Variants in PRMT2 observed in about 807,000 individuals in gnomAD.
PRMT2 encodes protein arginine methyltransferase 2, also known as protein arginine N-methyltransferase 2.
In PRMT2, 26 loss-of-function variants were observed where a neutral mutation model predicts 57.6. The observed-to-expected ratio is 0.45, with a 90% CI of 0.33 to 0.63. The LOEUF (loss-of-function observed/expected upper bound fraction) is 0.63. Among genes scored for constraint, PRMT2 ranks in the 20% least tolerant of loss-of-function variants. The pLI is 0.02. For missense variants in PRMT2, 472 were observed against 564.4 expected, an observed-to-expected ratio of 0.84 and a Z score of 1.66; for synonymous variants, 219 against 220.0, an observed-to-expected ratio of 1.00 and a Z score of 0.04.
chr21:46,641,979 G>A (rs910468933), intron 3 of PRMT2, among the ~76,000 whole-genome samples: 6 of 152,158 alleles, frequency 3.9e-5, no homozygotes, highest in African/African-American at 1.4e-4. Context: ...TTTTAAAAAC[G>A]CCTAACCACA....
At chr21:46,653,028 T>C in intron 7 of PRMT2, 2 of 1,144,510 alleles carry the variant, frequency 1.7e-6, no homozygotes, top group South Asian at 1.8e-5. Context: ...ATTAAAAGAC[T>C]GCCAGACTCA....
chr21:46,664,312 C>T lies in PRMT2; in HGVS notation c.1287C>T (p.Phe429=), dbSNP rs2061673069. The T allele has an allele frequency of 6.8e-6, 11 of 1,613,820 alleles. No individual in the cohort carries two copies. The East Asian group carries it at 2.0e-4, about 29-fold the overall frequency. The change falls in exon 12 of 12, where the codon TTC becomes TTT. Residue 429 remains phenylalanine (F), a synonymous_variant. Transcript: ENST00000355680. ...TTTTTCAGGTTGGAGAAAAAGTCTT[C>T]CCCATCTGGAGATGACAGTTGATGC... is the stretch of plus-strand genomic sequence containing the variant. The part of the protein sequence containing the change: ...PTSQKVGEKV[F]PIWR
chr21:46,642,487 A>G (rs1486982982), intron 3 of PRMT2, among the ~76,000 whole-genome samples: 2 of 152,270 alleles, frequency 1.3e-5, no homozygotes, highest in Non-Finnish European at 2.9e-5. Context: ...GTCTGAAAGT[A>G]TAAACACCAA....
rs949268973 is a variant in PRMT2, at chr21:46,636,993, A to T, written c.39+3A>T. On this transcript the variant is annotated splice_donor_region_variant and intron_variant, in intron 3 of 11. Transcript: ENST00000355680. ...ACTGTCCCAGAAGTGAATCGCAGGT[A>T]ATTTCCGTTCCACTTCCTAAAAATC... 2 of 1,613,758 alleles carry T rather than the reference A, an allele frequency of 1.2e-6. No individual in the cohort carries two copies. The highest frequency in any genetic ancestry group is 3.3e-5 in the Admixed American group (2 of 59,926).
At position 46,663,252 on chromosome 21, in the gene PRMT2, T is replaced by C. The variant is rs2061657531; in HGVS notation, c.1098-131T>C. 1.5e-5 allele frequency: 13 copies of C among 840,852 alleles called. No homozygotes were observed. The South Asian group carries it at 1.6e-4, about 10-fold the overall frequency. 52.1% of individuals were successfully genotyped at this position (840,852 alleles called of 1,614,324 possible). Reference sequence around the variant, plus strand: ...AGCCAAGCTTTGTGTCCCCAGGCCCTCAGGGTGGACTGCCGGCTGTGTGGG... The same window carrying C: ...AGCCAAGCTTTGTGTCCCCAGGCCCCCAGGGTGGACTGCCGGCTGTGTGGG... On this transcript the variant is annotated intron_variant, in intron 10 of 11. Transcript: ENST00000355680.
In PRMT2 at chr21:46,661,642, G is replaced by A. The variant is rs2061623871; in HGVS notation, c.961-158G>A. 1.7e-5 allele frequency: 11 copies of A among 628,880 alleles called. No individual in the cohort carries two copies. In the Admixed American group the frequency reaches 1.8e-4, roughly 10 times the overall value. The allele number at this position is 628,880 out of a possible 1,614,324, so 39.0% of individuals were successfully genotyped here. ...TTCTGACTGAAGCCTCTGAACTCACGATGCGGGTTTTGGGGGTGGTTTCCC... is the reference window on the plus strand; with the variant it reads ...TTCTGACTGAAGCCTCTGAACTCACAATGCGGGTTTTGGGGGTGGTTTCCC... On this transcript the variant is annotated intron_variant, in intron 9 of 11. Transcript: ENST00000355680.
chr21:46,641,232 G>A (rs899888831), intron 3 of PRMT2, among the ~76,000 whole-genome samples: 3 of 151,976 alleles, frequency 2.0e-5, no homozygotes, highest in African/African-American at 7.3e-5. Flanking sequence ...TTGCAGCATC[G>A]GTTATGGTGG....
chr21:46,658,923 A>G lies in PRMT2; in HGVS notation c.830+3A>G. On this transcript the variant is annotated splice_donor_region_variant and intron_variant, in intron 8 of 11. Transcript: ENST00000355680. ...GAGTTCAACCTCAGCGCTCTGAAGT[A>G]AGTGTCCACAGCTGGGACTGGCACC... 7 of 1,611,820 alleles carry G rather than the reference A, an allele frequency of 4.3e-6. No homozygotes were observed. Among genetic ancestry groups the G allele is most frequent in the Non-Finnish European group, 5.9e-6 (7 of 1,178,326 alleles).
chr21:46,648,211 CCTTT>C lies in PRMT2; in HGVS notation c.328-243_328-240del. 1 of 450,580 alleles carries C rather than the reference CCTTT, an allele frequency of 2.2e-6. No individual in the cohort carries two copies. Among genetic ancestry groups the C allele is most frequent in the Non-Finnish European group, 4.0e-6 (1 of 247,484 alleles). 27.9% of individuals were successfully genotyped at this position (450,580 alleles called of 1,614,324 possible). A position where few individuals can be genotyped will look rare whatever the true frequency, so the allele number is the denominator to read the frequency against. ...TCTCTTTGTCATACATGGTTGTGCA[CCTTT>C]CTTGTTAAATTTGTTCCTAGGTATT... On this transcript the variant is annotated intron_variant, in intron 5 of 11. Transcript: ENST00000355680. The surrounding 1 kb of genome is among the most constrained non-coding windows in gnomAD (Gnocchi z 4.8).
chr21:46,636,941 C>G lies in PRMT2; in HGVS notation c.-11C>G, dbSNP rs780120260. 1 of 1,612,758 alleles carries G rather than the reference C, an allele frequency of 6.2e-7. No homozygotes were observed. The highest frequency in any genetic ancestry group is 8.5e-7 in the Non-Finnish European group (1 of 1,179,540). ...TAAATCAGCAGTTATGAGGCAGAGC[C>G]TAAGAGAACTATGGCAACATCAGGT... On this transcript the variant is annotated 5_prime_UTR_variant, in exon 3 of 12. Transcript: ENST00000355680.
rs571088719 is a variant in PRMT2 at position 46,644,560 on chromosome 21, G to A, written c.327+72G>A. 2.2e-4 allele frequency: 315 copies of A among 1,433,588 alleles called. 3 individuals are homozygous for A. Among genetic ancestry groups the A allele is most frequent in the South Asian group, 1.4e-3 (95 of 69,996 alleles). The allele number at this position is 1,433,588 out of a possible 1,614,324, so 88.8% of individuals were successfully genotyped here. A position where few individuals can be genotyped will look rare whatever the true frequency, so the allele number is the denominator to read the frequency against. ...TCTCTAGCTTTAGTTCTACTGCAAC[G>A]TTCAGAGCAGGCCCATAGTCTTACA... On this transcript the variant is annotated intron_variant, in intron 5 of 11. Coordinates refer to ENST00000355680, the MANE Select transcript of PRMT2 (RefSeq NM_206962.4).
chr21:46,655,077 A>G (rs540617754), intron 7 of PRMT2: 1 of 218,992 alleles, frequency 4.6e-6, no homozygotes, highest in South Asian at 1.6e-4. Context: ...ATAGTTTAAA[A>G]ACCTTCTGAA....
chr21:46,636,920 TCAG>T lies in PRMT2; in HGVS notation c.-28_-26del. The T allele has an allele frequency of 6.2e-7, 1 of 1,601,030 alleles. No individual in the cohort carries two copies. The highest frequency in any genetic ancestry group is 8.5e-7 in the Non-Finnish European group (1 of 1,174,098). ...GAAATGGAAAAGAAAATGAAATAAA[TCAG>T]CAGTTATGAGGCAGAGCCTAAGAGA... On this transcript the variant is annotated 5_prime_UTR_variant, in exon 3 of 12. Transcript: ENST00000355680.
At chr21:46,654,066 G>A (rs2061504330) in intron 7 of PRMT2, 2 of 988,472 alleles carry the variant, frequency 2.0e-6, no homozygotes, top group Non-Finnish European at 2.4e-6. Context: ...AGGAGCTGGT[G>A]GGTGCTGAGA....
chr21:46,643,759 C>A, intron 4 of PRMT2, 120 bp downstream of exon 4: 1 of 1,227,706 alleles, frequency 8.1e-7, no homozygotes, highest in Non-Finnish European at 1.1e-6. Flanking sequence ...CGTAGGGCCA[C>A]ACAAGACCTG....
intron 10 of PRMT2, among the ~76,000 whole-genome samples, chr21:46,662,234 C>T (rs1014294136): frequency 1.3e-5 from 2 of 152,204 alleles, no homozygotes; most frequent in African/African-American, 4.8e-5. Context: ...CGAGGAGCAC[C>T]ACAGCTCTTC....
intron 7 of PRMT2, chr21:46,653,054 G>A: frequency 9.1e-7 from 1 of 1,097,236 alleles, no homozygotes; most frequent in Non-Finnish European, 1.1e-6. Flanking sequence ...ACTGTTGTTA[G>A]TGTATTCGTG....
chr21:46,660,724 C>G, intron 8 of PRMT2, 109 bp from the exon 9 acceptor site: 1 of 1,388,664 alleles, frequency 7.2e-7, no homozygotes, highest in South Asian at 1.4e-5. Flanking sequence ...AGTGGCTTAG[C>G]ATCCTGGTGA....
rs2061331379 is a variant in PRMT2, at chr21:46,644,489, G to A, written c.327+1G>A. The A allele has an allele frequency of 6.4e-7, 1 of 1,569,926 alleles. No individual in the cohort carries two copies. The highest frequency in any genetic ancestry group is 1.4e-5 in the African/African-American group (1 of 72,382). On this transcript the variant is annotated splice_donor_variant, in intron 5 of 11. Transcript: ENST00000355680. LOFTEE classifies it high-confidence loss of function. ...GTACTTCGGCAGCTATGGAACTCTG[G>A]TATTGCTTTCTAAATTCCCTGTTCA...
Sources: allele counts gnomAD v4.1 joint callset (sites outside exome capture counted in the v4.1 genomes callset), GRCh38; gene constraint gnomAD v4.1.1; non-coding constraint Gnocchi (gnomAD v3.1); transcripts MANE v1.5; gene names NCBI Gene and HGNC (gene_info 2026-07-23, HGNC 2026-07-21).